The following GRIN3A variants were observed in gnomAD, a reference collection of about 807,000 sequenced individuals.
The protein encoded by GRIN3A is glutamate ionotropic receptor NMDA type subunit 3A.
Under a neutral mutation model 92.4 loss-of-function variants are expected in GRIN3A, and 47 were observed. The ratio of observed to expected loss-of-function variants is 0.51; its 90% confidence interval spans 0.40 to 0.65. The LOEUF is 0.65. Among genes scored for constraint, GRIN3A ranks in the 30% least tolerant of loss-of-function variants. The pLI is 0.00. For synonymous variants in GRIN3A, 527 were observed against 540.6 expected, an observed-to-expected ratio of 0.97 and a Z score of 0.35; for missense variants, 1,324 against 1,393.1, an observed-to-expected ratio of 0.95 and a Z score of 0.79.
At chr9:101,586,180 T>C (rs1827948110) in intron 6 of GRIN3A, among the ~76,000 whole-genome samples, 1 of 152,188 alleles carries the variant, frequency 6.6e-6, no homozygotes, top group Admixed American at 6.5e-5. Flanking sequence ...CCATCCTCTT[T>C]CAGATACAAT....
At chr9:101,617,897 GTTTGGTTT>G in intron 5 of GRIN3A, among the ~76,000 whole-genome samples, 1 of 149,126 alleles carries the variant, frequency 6.7e-6, no homozygotes, top group Non-Finnish European at 1.5e-5. Flanking sequence ...AATATGCGGT[GTTTGGTTT>G]TTTGTTCTTG....
At chr9:101,654,952 G>A (rs952771264) in intron 3 of GRIN3A, among the ~76,000 whole-genome samples, 1 of 151,774 alleles carries the variant, frequency 6.6e-6, no homozygotes, top group African/African-American at 2.4e-5. Context: ...AATACATATG[G>A]TGACATATAT....
Position 101,737,480 on chromosome 9 carries a change from G to A in GRIN3A, c.500C>T (p.Ser167Phe). ...ACTGCTCCATGGCGAACTAGGGGAG[G>A]AGAAGGGCAAAAGTGGCAGATCGCC... ...GLGDLPLLPF[S>F]SPSSPWSSDP... The change falls in exon 1 of 9, where the codon TCC becomes TTC. Residue 167 changes from serine to phenylalanine, a missense_variant. Transcript: ENST00000361820. 1 of 1,614,268 alleles carries A rather than the reference G, an allele frequency of 6.2e-7. No individual in the cohort carries two copies. The highest frequency in any genetic ancestry group is 1.1e-5 in the South Asian group (1 of 91,090).
At chr9:101,669,305 C>T (rs377093567) in intron 3 of GRIN3A, among the ~76,000 whole-genome samples, 3 of 152,224 alleles carry the variant, frequency 2.0e-5, no homozygotes, top group African/African-American at 2.4e-5. Flanking sequence ...CATGGAATGG[C>T]TGTCCTTACC....
intron 3 of GRIN3A, among the ~76,000 whole-genome samples, chr9:101,646,333 C>G (rs1384768736): frequency 6.6e-6 from 1 of 151,634 alleles, no homozygotes; most frequent in Non-Finnish European, 1.5e-5. Flanking sequence ...GAGACTGTCT[C>G]TTCAATATGC....
intron 6 of GRIN3A, chr9:101,594,714 C>T (rs1219434998): frequency 6.2e-7 from 1 of 1,614,238 alleles, no homozygotes; most frequent in Non-Finnish European, 8.5e-7. Context: ...TTGAAGTCCA[C>T]TTCTCCATCA....
chr9:101,736,068 T>G lies in GRIN3A; in HGVS notation c.699+1213A>C, dbSNP rs563169561. 3.3e-5 allele frequency among the ~76,000 whole-genome samples: 5 copies of G among 152,356 alleles called. No individual in the cohort carries two copies. The East Asian group carries it at 9.6e-4, about 29-fold the overall frequency. ...TTCATTGTACATTGCCCTTACTCAT[T>G]TTAGTTTTTATCTCGGCACATATAT... On this transcript the variant is annotated intron_variant, in intron 1 of 8. Coordinates refer to ENST00000361820, the MANE Select transcript of GRIN3A (RefSeq NM_133445.3).
intron 1 of GRIN3A, among the ~76,000 whole-genome samples, chr9:101,729,131 A>G (rs904483397): frequency 6.6e-6 from 1 of 152,186 alleles, no homozygotes; most frequent in African/African-American, 2.4e-5. Context: ...TGCAAAGTGT[A>G]TAAGCTGAAA....
intron 6 of GRIN3A, among the ~76,000 whole-genome samples, chr9:101,609,778 A>G (rs977318396): frequency 6.6e-6 from 1 of 152,158 alleles, no homozygotes; most frequent in Non-Finnish European, 1.5e-5. Flanking sequence ...GTGATAAGGG[A>G]GGTTAAAATC....
At chr9:101,593,241 C>G (rs779915417) in intron 6 of GRIN3A, 3 of 152,204 alleles carry the variant, frequency 2.0e-5, no homozygotes, top group Admixed American at 1.3e-4. Flanking sequence ...CTGGATCTCC[C>G]CTGGAACCAC....
chr9:101,627,447 TGG>T (rs558946582), intron 4 of GRIN3A, among the ~76,000 whole-genome samples: 292 of 152,234 alleles, frequency 1.9e-3, no homozygotes, highest in African/African-American at 6.7e-3. Context: ...TGCTGTCCAT[TGG>T]GGAGATTATT....
At chr9:101,672,396 A>C (rs1829339487) in intron 2 of GRIN3A, among the ~76,000 whole-genome samples, 2 of 152,132 alleles carry the variant, frequency 1.3e-5, no homozygotes, top group African/African-American at 4.8e-5. Flanking sequence ...TTTTAATACA[A>C]TTTTAAAAGT....
intron 5 of GRIN3A, among the ~76,000 whole-genome samples, chr9:101,615,791 T>G (rs888410814): frequency 6.6e-6 from 1 of 152,192 alleles, no homozygotes; most frequent in Admixed American, 6.5e-5. Flanking sequence ...AAGGATGATT[T>G]AACCAAGCTG....
At chr9:101,638,885 A>G in intron 3 of GRIN3A, among the ~76,000 whole-genome samples, 1 of 152,222 alleles carries the variant, frequency 6.6e-6, no homozygotes, top group Admixed American at 6.5e-5. Context: ...GAAAGAGTTC[A>G]GCCATTGTAC....
chr9:101,668,298 A>G (rs1293408624), intron 3 of GRIN3A, among the ~76,000 whole-genome samples: 1 of 152,024 alleles, frequency 6.6e-6, no homozygotes, highest in Non-Finnish European at 1.5e-5. Context: ...ATAAAGCTCT[A>G]GTTAGTATTG....
intron 6 of GRIN3A, 113 bp from the exon 7 acceptor site, chr9:101,579,473 C>T: frequency 1.0e-6 from 1 of 996,554 alleles, no homozygotes; most frequent in South Asian, 1.4e-5. Context: ...TCAAGGACAG[C>T]TGGAGACTAT....
intron 6 of GRIN3A, chr9:101,591,833 A>G (rs1828030621): frequency 6.6e-6 from 1 of 152,202 alleles, no homozygotes; most frequent in Non-Finnish European, 1.5e-5. Flanking sequence ...AACTATCTTG[A>G]GTAGATTTAT....
intron 5 of GRIN3A, among the ~76,000 whole-genome samples, chr9:101,616,719 T>C (rs1588250263): frequency 8.6e-6 from 1 of 116,044 alleles, no homozygotes. Flanking sequence ...GGAAGGGGAA[T>C]ATCACACTCT....
chr9:101,693,226 A>G (rs966187056), intron 1 of GRIN3A, among the ~76,000 whole-genome samples: 2 of 141,632 alleles, frequency 1.4e-5, no homozygotes, highest in African/African-American at 5.3e-5. Flanking sequence ...TAAGATGGTG[A>G]AACCCCATCT....
Sources: gnomAD v4.1 joint callset for allele counts (sites outside exome capture counted in the v4.1 genomes callset) on GRCh38, gnomAD v4.1.1 for gene constraint, MANE v1.5 for transcripts, NCBI Gene and HGNC (gene_info 2026-07-23, HGNC 2026-07-21) for gene names.